JAZF1: variants seen among roughly 807,000 people sequenced by gnomAD.
JAZF1 encodes the protein JAZF zinc finger 1, also known as juxtaposed with another zinc finger protein 1.
JAZF1 carries 8 observed loss-of-function variants against 26.4 expected under a neutral mutation model. The ratio of observed to expected loss-of-function variants is 0.30; its 90% CI spans 0.18 to 0.55. JAZF1 has a LOEUF of 0.55. Among genes scored for constraint, JAZF1 ranks in the 20% least tolerant of loss-of-function variants. The pLI is 0.94. For missense variants in JAZF1, 199 were observed against 322.0 expected (o/e 0.62, Z 2.92); for synonymous variants, 126 against 122.3 (o/e 1.03, Z -0.20).
chr7:27,928,896 AC>A (rs1262010965), intron 2 of JAZF1, among the ~76,000 whole-genome samples: 4 of 152,140 alleles, frequency 2.6e-5, no homozygotes, highest in Admixed American at 6.5e-5. Flanking sequence ...ATGACACTTT[AC>A]CTATGTAGCA....
At chr7:27,988,680 T>C (rs1785815676) in intron 2 of JAZF1, among the ~76,000 whole-genome samples, 1 of 152,134 alleles carries the variant, frequency 6.6e-6, no homozygotes, top group Admixed American at 6.5e-5. Context: ...ACCTTGCCAA[T>C]GTCATAGGTA....
intron 2 of JAZF1, among the ~76,000 whole-genome samples, chr7:27,915,899 G>A (rs374502175): frequency 1.2e-4 from 18 of 152,190 alleles, no homozygotes; most frequent in African/African-American, 4.1e-4. Flanking sequence ...TAAATACTGG[G>A]GTTCTTACAA....
At chr7:27,941,859 C>T (rs28566774) in intron 2 of JAZF1, among the ~76,000 whole-genome samples, 36,798 of 152,030 alleles carry the variant, frequency 0.24, 4,895 homozygotes, top group South Asian at 0.36. Flanking sequence ...AGCTTCAGCA[C>T]GGCCCACAGG....
At chr7:27,845,499 C>G (rs1783004049) in intron 3 of JAZF1, among the ~76,000 whole-genome samples, 1 of 152,004 alleles carries the variant, frequency 6.6e-6, no homozygotes, top group Non-Finnish European at 1.5e-5. Context: ...GAGTTTGAGA[C>G]CAGCCTGGCC....
At chr7:27,869,079 T>G (rs184122350) in intron 3 of JAZF1, among the ~76,000 whole-genome samples, 1 of 152,382 alleles carries the variant, frequency 6.6e-6, no homozygotes, top group Non-Finnish European at 1.5e-5. Context: ...CAAACTTCTC[T>G]GCATGTTCAT....
intron 3 of JAZF1, among the ~76,000 whole-genome samples, chr7:27,847,094 G>T (rs1303943995): frequency 1.3e-5 from 2 of 151,612 alleles, no homozygotes; most frequent in Admixed American, 1.3e-4. Context: ...CTCCCAAGTA[G>T]CTGGGATTAT....
At chr7:27,899,277 C>CT (rs1214993370) in intron 2 of JAZF1, among the ~76,000 whole-genome samples, 1 of 152,188 alleles carries the variant, frequency 6.6e-6, no homozygotes, top group East Asian at 1.9e-4. Flanking sequence ...CAAATGAGGA[C>CT]TATGTTCCCT....
At chr7:28,140,623 C>G (rs1002831193) in intron 1 of JAZF1, among the ~76,000 whole-genome samples, 1 of 151,912 alleles carries the variant, frequency 6.6e-6, no homozygotes, top group Admixed American at 6.6e-5. Flanking sequence ...ACTGTCCGGT[C>G]CCCCGTGGAT....
intron 1 of JAZF1, among the ~76,000 whole-genome samples, chr7:28,081,201 A>G (rs1164385129): frequency 6.6e-6 from 1 of 152,206 alleles, no homozygotes; most frequent in East Asian, 1.9e-4. Flanking sequence ...GACAGGGCTA[A>G]GCCCAGTGTT....
intron 3 of JAZF1, among the ~76,000 whole-genome samples, chr7:27,869,664 G>A (rs1308598601): frequency 6.6e-6 from 1 of 152,164 alleles, no homozygotes; most frequent in Non-Finnish European, 1.5e-5. Context: ...AGGCCAGGAA[G>A]ATGTCCCACC....
At chr7:28,093,273 C>T (rs911235799) in intron 1 of JAZF1, among the ~76,000 whole-genome samples, 4 of 152,112 alleles carry the variant, frequency 2.6e-5, no homozygotes, top group Non-Finnish European at 4.4e-5. Flanking sequence ...ATACTGTTCT[C>T]GTGGCAGTAA....
At chr7:27,912,512 CAGA>C (rs1784374925) in intron 2 of JAZF1, among the ~76,000 whole-genome samples, 1 of 151,988 alleles carries the variant, frequency 6.6e-6, no homozygotes, top group Admixed American at 6.6e-5. Context: ...TCACTGACTT[CAGA>C]AGAAAATTTT....
intron 2 of JAZF1, among the ~76,000 whole-genome samples, chr7:27,946,941 C>G (rs957996733): frequency 1.3e-5 from 2 of 151,938 alleles, no homozygotes; most frequent in South Asian, 2.1e-4. Flanking sequence ...ATGCTACTGC[C>G]CTAAAGAAAA....
chr7:27,946,198 G>A (rs1361087396), intron 2 of JAZF1, among the ~76,000 whole-genome samples: 3 of 152,090 alleles, frequency 2.0e-5, no homozygotes, highest in South Asian at 4.1e-4. Context: ...GGTTTATCAG[G>A]ACATAACTTC....
chr7:27,840,078 C>T lies in JAZF1; in HGVS notation c.555+620G>A, dbSNP rs1782893602. ...TTAGAAAAGTTAGCACCCCCAGCTG[C>T]CCATGACACCCAGGCCCTCAGAGAC... On this transcript the variant is annotated intron_variant, in intron 4 of 4. Coordinates refer to ENST00000283928, the MANE Select transcript of JAZF1 (RefSeq NM_175061.4). The surrounding 1 kb of genome is among the most constrained non-coding windows in gnomAD (Gnocchi z 5.1). Among the ~76,000 whole-genome samples, 1 of 152,124 alleles carries T rather than the reference C, an allele frequency of 6.6e-6. No homozygotes were observed. Among genetic ancestry groups the T allele is most frequent in the Non-Finnish European group, 1.5e-5 (1 of 68,006 alleles).
chr7:28,092,740 G>C (rs572036680), intron 1 of JAZF1, among the ~76,000 whole-genome samples: 29 of 152,014 alleles, frequency 1.9e-4, no homozygotes, highest in Admixed American at 1.1e-3. Context: ...TGTGCCTGCA[G>C]TCCCAGCCAC....
At chr7:27,871,842 T>G (rs976525944) in intron 3 of JAZF1, among the ~76,000 whole-genome samples, 10 of 152,196 alleles carry the variant, frequency 6.6e-5, no homozygotes, top group Admixed American at 5.2e-4. Flanking sequence ...CTCAGCCGAC[T>G]GTCACACGAG....
At chr7:27,948,828 G>A (rs1181005068) in intron 2 of JAZF1, among the ~76,000 whole-genome samples, 1 of 152,164 alleles carries the variant, frequency 6.6e-6, no homozygotes, top group Non-Finnish European at 1.5e-5. Flanking sequence ...TCAAGTTTTG[G>A]AATTTTTTCA....
chr7:28,165,955 A>G (rs1339528951), intron 1 of JAZF1, among the ~76,000 whole-genome samples: 1 of 152,206 alleles, frequency 6.6e-6, no homozygotes, highest in Admixed American at 6.5e-5. Flanking sequence ...AATAGTTACT[A>G]AACGCATAAA....
Sources: allele counts gnomAD v4.1 joint callset (sites outside exome capture counted in the v4.1 genomes callset), GRCh38; gene constraint gnomAD v4.1.1; non-coding constraint Gnocchi (gnomAD v3.1); transcripts MANE v1.5; gene names NCBI Gene and HGNC (gene_info 2026-07-23, HGNC 2026-07-21).